The following RABGAP1L variants were observed in gnomAD, a reference collection of about 807,000 sequenced individuals.
RABGAP1L encodes the protein RAB GTPase activating protein 1 like, also known as rab GTPase-activating protein 1-like.
RABGAP1L carries 63 observed loss-of-function variants against 137.7 expected under a neutral mutation model. The ratio of observed to expected loss-of-function variants is 0.46; its 90% CI spans 0.37 to 0.56. The LOEUF (loss-of-function observed/expected upper bound fraction) is 0.56. RABGAP1L is among the 20% of genes least tolerant of loss of function. The pLI is 0.00. For missense variants in RABGAP1L, 1,095 were observed against 1,244.0 expected, an observed-to-expected ratio of 0.88 and a Z score of 1.80; for synonymous variants, 431 against 433.7, an observed-to-expected ratio of 0.99 and a Z score of 0.08.
chr1:174,649,817 C>G (rs1442992847), intron 14 of RABGAP1L, among the ~76,000 whole-genome samples: 1 of 152,052 alleles, frequency 6.6e-6, no homozygotes, highest in East Asian at 1.9e-4. Context: ...TAACTGAATA[C>G]CCTTTATTTC....
intron 19 of RABGAP1L, among the ~76,000 whole-genome samples, chr1:174,855,577 CT>C (rs1016366453): frequency 6.6e-6 from 1 of 152,194 alleles, no homozygotes; most frequent in Non-Finnish European, 1.5e-5. Flanking sequence ...CTGTCCAGCT[CT>C]TACATAAGTC....
chr1:174,862,939 GGTTGGAGTGCAGTA>G (rs1430010328), intron 19 of RABGAP1L, among the ~76,000 whole-genome samples: 11 of 151,612 alleles, frequency 7.3e-5, no homozygotes, highest in African/African-American at 1.9e-4. Flanking sequence ...GTGTCGCCCA[GGTTGGAGTGCAGTA>G]GCTCGATCTT....
intron 9 of RABGAP1L, among the ~76,000 whole-genome samples, chr1:174,276,488 T>G (rs2148671961): frequency 6.6e-6 from 1 of 152,218 alleles, no homozygotes; most frequent in African/African-American, 2.4e-5. Context: ...TTGGGCTTTG[T>G]TTTTCATATA....
chr1:174,646,605 T>C (rs556194492), intron 14 of RABGAP1L, among the ~76,000 whole-genome samples: 1 of 152,324 alleles, frequency 6.6e-6, no homozygotes, highest in South Asian at 2.1e-4. Context: ...GCTGTTTTCG[T>C]TACTGTAGCC....
At position 174,195,662 on chromosome 1, in the gene RABGAP1L, CCTTTCCTTTCCTTCTTTCCTT is replaced by C. The variant is rs1196536765; in HGVS notation, c.-33-23454_-33-23434del. Among the ~76,000 whole-genome samples the C allele has an allele frequency of 6.7e-4, 68 of 102,250 alleles. No homozygotes were observed. The South Asian group carries it at 7.6e-3, about 11-fold the overall frequency. 67.1% of individuals were successfully genotyped at this position (102,250 alleles called of 152,430 possible). A position where few individuals can be genotyped will look rare whatever the true frequency, so the allele number is the denominator to read the frequency against. Reference sequence around the variant, plus strand: ...CTTCCTTCCTTCCTTCCTTTCCTTTCCTTTCCTTTCCTTCTTTCCTTCTTTCCTTCTTTCCTTCTTTCCTTC... The same window carrying C: ...CTTCCTTCCTTCCTTCCTTTCCTTTCCTTTCCTTCTTTCCTTCTTTCCTTC... On this transcript the variant is annotated intron_variant, in intron 1 of 25. Coordinates refer to ENST00000681986, the MANE Select transcript of RABGAP1L (RefSeq NM_001366446.1).
At chr1:174,874,438 T>TA in intron 19 of RABGAP1L, 1 of 984,832 alleles carries the variant, frequency 1.0e-6, no homozygotes. Context: ...CTGCTTGAAC[T>TA]GAGGACCATC....
At chr1:174,361,970 T>A (rs968743247) in intron 11 of RABGAP1L, among the ~76,000 whole-genome samples, 5 of 152,190 alleles carry the variant, frequency 3.3e-5, no homozygotes, top group African/African-American at 1.2e-4. Flanking sequence ...GTGTGTATTG[T>A]TCCCCTCTGT....
chr1:174,978,575 A>G (rs1166091946), intron 22 of RABGAP1L, among the ~76,000 whole-genome samples: 1 of 152,216 alleles, frequency 6.6e-6, no homozygotes, highest in Non-Finnish European at 1.5e-5. Context: ...CAATTTTATA[A>G]TGGTGTTGTT....
At chr1:174,773,020 G>C (rs1032393599) in intron 18 of RABGAP1L, among the ~76,000 whole-genome samples, 1 of 151,982 alleles carries the variant, frequency 6.6e-6, no homozygotes, top group African/African-American at 2.4e-5. Context: ...GAATCAATAT[G>C]CTCATTTTAC....
intron 19 of RABGAP1L, among the ~76,000 whole-genome samples, chr1:174,861,051 T>C (rs1002971896): frequency 7.9e-5 from 12 of 152,180 alleles, no homozygotes; most frequent in African/African-American, 2.9e-4. Context: ...CAGAACTTTG[T>C]CATCTTATAA....
intron 17 of RABGAP1L, among the ~76,000 whole-genome samples, chr1:174,732,866 T>C (rs897911235): frequency 1.3e-5 from 2 of 152,204 alleles, no homozygotes; most frequent in African/African-American, 2.4e-5. Context: ...CTGTCCTGTT[T>C]AGTGATATTT....
chr1:174,187,784 A>T (rs1355508090), intron 1 of RABGAP1L, among the ~76,000 whole-genome samples: 1 of 152,140 alleles, frequency 6.6e-6, no homozygotes, highest in African/African-American at 2.4e-5. Context: ...CATAGGCACT[A>T]TTATTAATAA....
At chr1:174,803,777 C>CA (rs565595495) in intron 18 of RABGAP1L, among the ~76,000 whole-genome samples, 43 of 147,964 alleles carry the variant, frequency 2.9e-4, no homozygotes, top group East Asian at 7.8e-4. Context: ...CTACCTCTTT[C>CA]AAAAAAAAAA....
intron 13 of RABGAP1L, among the ~76,000 whole-genome samples, chr1:174,473,982 G>C (rs190485378): frequency 6.6e-6 from 1 of 152,144 alleles, no homozygotes; most frequent in East Asian, 1.9e-4. Flanking sequence ...TTCTCCTGTA[G>C]CTGTTCCTGT....
chr1:174,174,565 A>T (rs1432385669), intron 1 of RABGAP1L, among the ~76,000 whole-genome samples: 1 of 152,206 alleles, frequency 6.6e-6, no homozygotes, highest in East Asian at 1.9e-4. Flanking sequence ...AAGGCCTGAG[A>T]ACCAGCAGAG....
chr1:174,303,365 C>T (rs1677904998), intron 10 of RABGAP1L, among the ~76,000 whole-genome samples: 3 of 152,004 alleles, frequency 2.0e-5, no homozygotes, highest in African/African-American at 7.2e-5. Context: ...CTGGTTTCCT[C>T]ATTTATAGCC....
intron 17 of RABGAP1L, among the ~76,000 whole-genome samples, chr1:174,716,165 A>C (rs531242784): frequency 1.6e-4 from 24 of 152,244 alleles, no homozygotes; most frequent in Non-Finnish European, 3.5e-4. Flanking sequence ...AGATTTTTCC[A>C]TCTGCAGTTT....
At chr1:174,391,272 G>T (rs192549265) in intron 12 of RABGAP1L, among the ~76,000 whole-genome samples, 13 of 152,284 alleles carry the variant, frequency 8.5e-5, no homozygotes, top group African/African-American at 3.1e-4. Context: ...GTTGCACAGG[G>T]TAAGAGTGTG....
intron 21 of RABGAP1L, among the ~76,000 whole-genome samples, chr1:174,970,524 G>A (rs931736767): frequency 1.3e-5 from 2 of 152,164 alleles, no homozygotes; most frequent in African/African-American, 4.8e-5. Flanking sequence ...TATGTGTTAA[G>A]ACGTTAAAAG....
Sources: gnomAD v4.1 joint callset for allele counts (sites outside exome capture counted in the v4.1 genomes callset) on GRCh38, gnomAD v4.1.1 for gene constraint, MANE v1.5 for transcripts, NCBI Gene and HGNC (gene_info 2026-07-23, HGNC 2026-07-21) for gene names.